The following FXYD7 variants were observed in gnomAD, a reference collection of about 807,000 sequenced individuals.
The protein encoded by FXYD7 is FXYD domain containing ion transport regulator 7.
FXYD7 carries 7 observed loss-of-function variants against 15.3 expected under a neutral mutation model. The observed-to-expected ratio is 0.46, with a 90% confidence interval of 0.26 to 0.86. The LOEUF (loss-of-function observed/expected upper bound fraction) is 0.86. FXYD7 is among the 40% of genes least tolerant of loss of function. FXYD7 has a pLI of 0.16. For missense variants in FXYD7, 78 were observed against 100.6 expected (o/e 0.78, Z 0.96); for synonymous variants, 39 against 39.3 (o/e 0.99, Z 0.03).
Position 35,143,306 on chromosome 19 carries a change from A to G in FXYD7, c.-28A>G. ...TGCAGCGCGCCTTCGCCGCCAAAGCATCCAGCAGCCCCCTGCTCCGGCCCA... is the reference window on the plus strand; with the variant it reads ...TGCAGCGCGCCTTCGCCGCCAAAGCGTCCAGCAGCCCCCTGCTCCGGCCCA... On this transcript the variant is annotated 5_prime_UTR_variant, in exon 1 of 6. Coordinates refer to ENST00000270310, the MANE Select transcript of FXYD7 (RefSeq NM_022006.2). The surrounding 1 kb of genome is among the most constrained non-coding windows in gnomAD (Gnocchi z 4.3). The G allele has an allele frequency of 1.3e-6, 2 of 1,534,984 alleles. No individual in the cohort carries two copies. Among genetic ancestry groups the G allele is most frequent in the East Asian group, 2.6e-5 (1 of 38,668 alleles).
rs551106495 is a variant in FXYD7 at position 35,148,113 on chromosome 19, GGGGAGGGAGGGA to G, written c.32-570_32-559del. On this transcript the variant is annotated intron_variant, in intron 1 of 5. Transcript: ENST00000270310. ...AAAGAAAGAGAGAGAGAAAGAAAGA[GGGGAGGGAGGGA>G]GGGAGGGAGGAAAGAAAAAGAAATA... Among the ~76,000 whole-genome samples, 3 of 149,698 alleles carry G rather than the reference GGGGAGGGAGGGA, an allele frequency of 2.0e-5. No homozygotes were observed. In the Admixed American group the frequency reaches 2.0e-4, roughly 10 times the overall value.
intron 5 of FXYD7, 76 bp downstream of exon 5, chr19:35,151,749 C>A (rs111645945): frequency 6.3e-5 from 36 of 574,984 alleles, no homozygotes; most frequent in African/African-American, 4.0e-4. Context: ...AGGGAAGTCG[C>A]GGGGATGGAC....
intron 2 of FXYD7, chr19:35,149,447 C>A (rs1021687178): frequency 7.7e-5 from 14 of 181,244 alleles, no homozygotes; most frequent in African/African-American, 3.3e-4. Flanking sequence ...ATAGGCCCTC[C>A]TGACTCCCTG....
At position 35,143,456 on chromosome 19, in the gene FXYD7, CA is replaced by C; in HGVS notation, c.31+94del. 9.7e-7 allele frequency: 1 copy of C among 1,027,192 alleles called. No homozygotes were observed. The highest frequency in any genetic ancestry group is 1.4e-6 in the Non-Finnish European group (1 of 740,230). The allele number at this position is 1,027,192 out of a possible 1,614,324, so 63.6% of individuals were successfully genotyped here. ...TCGGGAGATTCAAGCAATGGTAAGG[CA>C]AGGGAGTTGGGGGAGGGAGGTCCGC... On this transcript the variant is annotated intron_variant, in intron 1 of 5. Transcript: ENST00000270310. The surrounding 1 kb of genome is among the most constrained non-coding windows in gnomAD (Gnocchi z 4.3).
intron 1 of FXYD7, among the ~76,000 whole-genome samples, chr19:35,147,127 A>G (rs2065291343): frequency 6.6e-6 from 1 of 152,252 alleles, no homozygotes; most frequent in African/African-American, 2.4e-5. Context: ...CCACCAGGCT[A>G]GAAGTGAAAC....
Position 35,153,984 on chromosome 19 carries a change from G to A in FXYD7, c.*68G>A, listed in dbSNP as rs1416810561. ...GGGAGCCTGAGGACCGGGTGGAGGC[G>A]GTGGGGACCCAGCCGCGCGCCGGGA... On this transcript the variant is annotated 3_prime_UTR_variant, in exon 6 of 6. Coordinates refer to ENST00000270310, the MANE Select transcript of FXYD7 (RefSeq NM_022006.2). The A allele has an allele frequency of 1.3e-6, 2 of 1,502,388 alleles. No individual in the cohort carries two copies. The highest frequency in any genetic ancestry group is 1.1e-5 in the South Asian group (1 of 88,540). 93.1% of individuals were successfully genotyped at this position (1,502,388 alleles called of 1,614,324 possible). A position where few individuals can be genotyped will look rare whatever the true frequency, so the allele number is the denominator to read the frequency against.
intron 1 of FXYD7, among the ~76,000 whole-genome samples, chr19:35,144,543 G>A (rs1210275233): frequency 1.3e-5 from 2 of 152,082 alleles, no homozygotes; most frequent in Non-Finnish European, 2.9e-5. Flanking sequence ...TGGCAGTGAA[G>A]GGAACCCGAA....
intron 2 of FXYD7, 114 bp downstream of exon 2, chr19:35,148,837 A>G: frequency 1.1e-6 from 1 of 923,746 alleles, no homozygotes; most frequent in Non-Finnish European, 1.8e-6. Context: ...GCCACTGGCC[A>G]CGGGACCATA....
intron 1 of FXYD7, among the ~76,000 whole-genome samples, chr19:35,144,655 G>C (rs114848191): frequency 9.6e-5 from 14 of 145,390 alleles, no homozygotes; most frequent in African/African-American, 3.2e-4. Context: ...GGGTGGGGGG[G>C]GCTGCAGAGG....
At chr19:35,148,999 C>A (rs754119179) in intron 2 of FXYD7, 5 of 601,890 alleles carry the variant, frequency 8.3e-6, no homozygotes, top group South Asian at 7.6e-5. Flanking sequence ...TGAAGGAAAA[C>A]CTTAGAAGCA....
At chr19:35,148,573 C>G (rs892754771) in intron 1 of FXYD7, 121 bp from the exon 2 acceptor site, 4 of 812,114 alleles carry the variant, frequency 4.9e-6, no homozygotes, top group Non-Finnish European at 7.5e-6. Flanking sequence ...CAAGGGGTCT[C>G]TATCTGACTT....
chr19:35,150,455 T>G (rs945739024), intron 2 of FXYD7, among the ~76,000 whole-genome samples: 3 of 151,946 alleles, frequency 2.0e-5, no homozygotes, highest in African/African-American at 7.3e-5. Context: ...ATAATTCCTA[T>G]GAAGTAAAAT....
At chr19:35,148,974 C>T (rs763980398) in intron 2 of FXYD7, 19 of 644,510 alleles carry the variant, frequency 2.9e-5, no homozygotes, top group African/African-American at 5.4e-5. Context: ...GCCTTGGTGT[C>T]GCCAGAGAAG....
intron 4 of FXYD7, 62 bp from the exon 5 acceptor site, chr19:35,151,571 T>C (rs907060863): frequency 7.5e-6 from 12 of 1,596,380 alleles, no homozygotes; most frequent in Non-Finnish European, 1.0e-5. Flanking sequence ...CCATGCGTTT[T>C]CCCCAAAGCC....
intron 5 of FXYD7, among the ~76,000 whole-genome samples, chr19:35,153,232 A>G (rs914940207): frequency 1.3e-5 from 2 of 151,512 alleles, no homozygotes; most frequent in African/African-American, 4.9e-5. Context: ...GCTAATTTTT[A>G]TATCTTTAGC....
intron 1 of FXYD7, among the ~76,000 whole-genome samples, chr19:35,148,044 A>T (rs561329944): frequency 0.027 from 3,046 of 111,962 alleles, 83 homozygotes; most frequent in South Asian, 0.054. Flanking sequence ...AGAAAGAAAG[A>T]AAGAAAGAAA....
Position 35,143,353 on chromosome 19 carries a change from C to G in FXYD7, c.20C>G (p.Thr7Ser). 2.0e-6 allele frequency: 3 copies of G among 1,526,090 alleles called. No homozygotes were observed. Among genetic ancestry groups the G allele is most frequent in the South Asian group, 1.2e-5 (1 of 81,982 alleles). The allele number at this position is 1,526,090 out of a possible 1,614,324, so 94.5% of individuals were successfully genotyped here. A position where few individuals can be genotyped will look rare whatever the true frequency, so the allele number is the denominator to read the frequency against. ...CCCAGCATGGCGACCCCGACCCAGACCCCCACAAAGGGTGAGCGTCGTTTG... is the reference window on the plus strand; with the variant it reads ...CCCAGCATGGCGACCCCGACCCAGAGCCCCACAAAGGGTGAGCGTCGTTTG... Reference protein sequence around the residue: MATPTQTPTKAPEEPDP... With the variant: MATPTQSPTKAPEEPDP... Residue 7 changes from threonine (T) to serine (S), a missense_variant, in exon 1 of 6, where the codon ACC becomes AGC. By Grantham distance (58) the Thr-to-Ser change is moderately conservative. Coordinates refer to ENST00000270310, the MANE Select transcript of FXYD7 (RefSeq NM_022006.2). The surrounding 1 kb of genome is among the most constrained non-coding windows in gnomAD (Gnocchi z 4.3).
chr19:35,153,558 AGTGTAGGAAAGGAGTGAGG>A (rs1336954153), intron 5 of FXYD7, among the ~76,000 whole-genome samples: 1 of 151,894 alleles, frequency 6.6e-6, no homozygotes, highest in African/African-American at 2.4e-5. Flanking sequence ...CAGGACAGGG[AGTGTAGGAAAGGAGTGAGG>A]GTGTAGGAGG....
chr19:35,148,844 C>G (rs753351953), intron 2 of FXYD7, 121 bp downstream of exon 2: 2 of 882,642 alleles, frequency 2.3e-6, no homozygotes, highest in Non-Finnish European at 3.8e-6. Flanking sequence ...GCCACGGGAC[C>G]ATATATGTGG....
Sources: gnomAD v4.1 joint callset for allele counts (sites outside exome capture counted in the v4.1 genomes callset) on GRCh38, gnomAD v4.1.1 for gene constraint, Gnocchi (gnomAD v3.1) non-coding constraint, MANE v1.5 for transcripts, NCBI Gene and HGNC (gene_info 2026-07-23, HGNC 2026-07-21) for gene names.